Variants in PKD1L3 observed in about 807,000 individuals in gnomAD.
PKD1L3 encodes polycystin-1-like protein 3.
A neutral mutation model predicts 184.1 loss-of-function variants in PKD1L3; 239 were observed. That is an observed-to-expected ratio of 1.30 (90% CI 1.17 to 1.45). The LOEUF (loss-of-function observed/expected upper bound fraction) is 1.45, where lower values mean the gene tolerates loss of function less well. PKD1L3 is among the 40% of genes most tolerant of loss of function. The pLI is 0.00. For missense variants in PKD1L3, 2,660 were observed against 2,067.2 expected, an observed-to-expected ratio of 1.29 and a Z score of -5.56; for synonymous variants, 996 against 778.8, an observed-to-expected ratio of 1.28 and a Z score of -4.64.
rs777591241 is a variant in PKD1L3 at position 71,944,029 on chromosome 16, C to A, written c.3859+1G>T. 5 of 1,551,036 alleles carry A rather than the reference C, an allele frequency of 3.2e-6. No homozygotes were observed. Among genetic ancestry groups the A allele is most frequent in the Non-Finnish European group, 3.5e-6 (4 of 1,146,816 alleles). Reference sequence around the variant, plus strand: ...AGTATGTTGCCATTTCCTCTCCATACCCAAAATATCTCCAGTCAGCTTGAA... The same window carrying A: ...AGTATGTTGCCATTTCCTCTCCATAACCAAAATATCTCCAGTCAGCTTGAA... On this transcript the variant is annotated splice_donor_variant, in intron 23 of 29. Transcript: ENST00000620267. LOFTEE classifies it high-confidence loss of function.
At chr16:71,986,738 C>G (rs2040382493) in intron 4 of PKD1L3, among the ~76,000 whole-genome samples, 1 of 152,002 alleles carries the variant, frequency 6.6e-6, no homozygotes. Context: ...TTCTAGAGAA[C>G]TGAATATGGC....
intron 2 of PKD1L3, among the ~76,000 whole-genome samples, chr16:71,997,535 G>A (rs1232464763): frequency 6.6e-6 from 1 of 152,042 alleles, no homozygotes; most frequent in African/African-American, 2.4e-5. Flanking sequence ...GATCATCTGA[G>A]GTTGGGAGTT....
At chr16:71,963,852 G>C (rs150674464) in intron 15 of PKD1L3, among the ~76,000 whole-genome samples, 1 of 152,280 alleles carries the variant, frequency 6.6e-6, no homozygotes, top group East Asian at 1.9e-4. Context: ...TCATGTACCA[G>C]ACACCAGACT....
Position 71,986,393 on chromosome 16 carries a change from G to A in PKD1L3, c.662C>T (p.Ala221Val). The A allele has an allele frequency of 6.4e-7, 1 of 1,551,832 alleles. No individual in the cohort carries two copies. The highest frequency in any genetic ancestry group is 8.7e-7 in the Non-Finnish European group (1 of 1,146,998). The change falls in exon 5 of 30, where the codon GCA becomes GTA. Residue 221 changes from alanine (A) to valine (V), a missense_variant. Ala to Val is a moderately conservative substitution (Grantham distance 64). Coordinates refer to ENST00000620267, the MANE Select transcript of PKD1L3 (RefSeq NM_181536.2). ...SSITSQVTSA[A>V]SEPSSQPLPV... is the part of the protein sequence containing the mutation. Reference sequence around the variant, plus strand: ...GAGAGGCTGGCTGCTGGGTTCAGATGCGGCTGATGTTACCTGTGATGTGAT... The same window carrying A: ...GAGAGGCTGGCTGCTGGGTTCAGATACGGCTGATGTTACCTGTGATGTGAT...
At position 71,953,016 on chromosome 16, in the gene PKD1L3, C is replaced by T. The variant is rs1029589962; in HGVS notation, c.2887G>A (p.Val963Ile). The T allele has an allele frequency of 6.5e-6, 10 of 1,548,974 alleles. No homozygotes were observed. The highest frequency in any genetic ancestry group is 8.7e-6 in the Non-Finnish European group (10 of 1,145,962). ...TAVILFPINLVIGRLFPLIEP... is the reference protein window; with the variant it reads ...TAVILFPINLIIGRLFPLIEP... ...ATCAACGGGAAGAGCCGCCCTATGA[C>T]AAGATTGATTGGGAAGAGGATGACA... Residue 963 changes from valine to isoleucine, a missense_variant, in exon 18 of 30, where the codon GTC becomes ATC. Transcript: ENST00000620267.
intron 6 of PKD1L3, among the ~76,000 whole-genome samples, chr16:71,983,523 G>A (rs75753202): frequency 0.038 from 5,828 of 152,122 alleles, 343 homozygotes; most frequent in African/African-American, 0.13. Context: ...CATAAACACA[G>A]TATATCCAAC....
intron 13 of PKD1L3, among the ~76,000 whole-genome samples, chr16:71,968,488 A>G (rs1297208331): frequency 6.6e-6 from 1 of 152,230 alleles, no homozygotes; most frequent in African/African-American, 2.4e-5. Context: ...CGTATTCTAG[A>G]ATTTCCAAGT....
intron 16 of PKD1L3, among the ~76,000 whole-genome samples, chr16:71,959,967 T>C (rs2039206158): frequency 6.6e-6 from 1 of 151,450 alleles, no homozygotes; most frequent in Non-Finnish European, 1.5e-5. Flanking sequence ...AAAATAGTTT[T>C]AAAATTAGCC....
chr16:71,994,921 G>C (rs1412575793), intron 2 of PKD1L3, among the ~76,000 whole-genome samples: 1 of 152,124 alleles, frequency 6.6e-6, no homozygotes, highest in Non-Finnish European at 1.5e-5. Flanking sequence ...CCAGGAGGTG[G>C]AGGTTGCAGT....
intron 10 of PKD1L3, among the ~76,000 whole-genome samples, chr16:71,977,778 ATTC>A (rs1467207717): frequency 1.3e-5 from 2 of 151,566 alleles, no homozygotes; most frequent in African/African-American, 2.4e-5. Context: ...AACACTTCTT[ATTC>A]TTCTTATTTT....
chr16:71,938,288 A>G (rs973950270), intron 24 of PKD1L3, among the ~76,000 whole-genome samples: 4 of 152,220 alleles, frequency 2.6e-5, no homozygotes, highest in African/African-American at 9.6e-5. Context: ...GCAGCCCCCT[A>G]CTGCCTCGGC....
At position 71,944,118 on chromosome 16, in the gene PKD1L3, A is replaced by G; in HGVS notation, c.3771T>C (p.Tyr1257=). 6.4e-7 allele frequency: 1 copy of G among 1,551,594 alleles called. No individual in the cohort carries two copies. Among genetic ancestry groups the G allele is most frequent in the Non-Finnish European group, 8.7e-7 (1 of 1,146,734 alleles). The change falls in exon 23 of 30, where the codon TAT becomes TAC. Residue 1257 remains tyrosine (Y), a synonymous_variant. Transcript: ENST00000620267. The stretch of plus-strand genomic sequence containing the variant: ...TTGGACTATTTATAGCTGGGGCTAC[A>G]TAGACGGGGTTGTTCTTATCTCTTG... ...PGSRDKNNPV[Y]VAPAINSPTK...
At chr16:71,945,462 T>A (rs2038566906) in intron 22 of PKD1L3, among the ~76,000 whole-genome samples, 1 of 150,010 alleles carries the variant, frequency 6.7e-6, no homozygotes, top group Non-Finnish European at 1.5e-5. Context: ...ACTGATCACC[T>A]GAGCTGAGGA....
rs559025537 is a variant in PKD1L3, at chr16:71,934,190, C to T, written c.4614-65G>A. On this transcript the variant is annotated intron_variant, in intron 26 of 29. Coordinates refer to ENST00000620267, the MANE Select transcript of PKD1L3 (RefSeq NM_181536.2). The stretch of plus-strand genomic sequence containing the variant: ...TGTGCCTATACTGCAGTTTCCCCAG[C>T]GCCCCTGCTGCTGATCGTGGCAGCC... 62 of 1,447,858 alleles carry T rather than the reference C, an allele frequency of 4.3e-5. 1 individual carries two copies. The African/African-American group carries it at 5.8e-4, about 13-fold the overall frequency. The allele number at this position is 1,447,858 out of a possible 1,614,324, so 89.7% of individuals were successfully genotyped here. A position where few individuals can be genotyped will look rare whatever the true frequency, so the allele number is the denominator to read the frequency against.
chr16:71,967,434 G>C (rs926893870), intron 14 of PKD1L3, 119 bp from the exon 15 acceptor site: 7 of 992,814 alleles, frequency 7.1e-6, no homozygotes, highest in African/African-American at 3.3e-5. Flanking sequence ...TCGGATCTTA[G>C]ACAAGCATAG....
rs765301852 is a variant in PKD1L3, at chr16:71,950,009, G to C, written c.3392C>G (p.Thr1131Ser). 4.6e-5 allele frequency: 72 copies of C among 1,551,448 alleles called. No individual in the cohort carries two copies. The highest frequency in any genetic ancestry group is 7.0e-6 in the Non-Finnish European group (8 of 1,146,996). The change falls in exon 21 of 30, where the codon ACC becomes AGC. Residue 1131 changes from threonine to serine, a missense_variant. Thr to Ser is a moderately conservative substitution (Grantham distance 58). Transcript: ENST00000620267. The stretch of plus-strand genomic sequence containing the variant: ...TTCTGAGCTCAGGATGGCAAAACTG[G>C]TGACTTCCCTGAAGCACAAAAGTTG... ...PTEQEPSREV[T>S]SFAILSSEEG... is the part of the protein sequence containing the mutation.
intron 19 of PKD1L3, 105 bp from the exon 20 acceptor site, chr16:71,950,415 C>T (rs1269786694): frequency 2.0e-6 from 2 of 1,017,166 alleles, no homozygotes; most frequent in Non-Finnish European, 2.8e-6. Flanking sequence ...CTATATTTTC[C>T]CACTACTAGC....
Position 71,967,896 on chromosome 16 carries a change from T to C in PKD1L3, c.2286+10A>G. The C allele has an allele frequency of 6.5e-7, 1 of 1,543,592 alleles. No homozygotes were observed. Among genetic ancestry groups the C allele is most frequent in the Non-Finnish European group, 8.8e-7 (1 of 1,140,540 alleles). On this transcript the variant is annotated intron_variant, in intron 14 of 29. Transcript: ENST00000620267. ...CACAAGGCAATGTGAAAAACATTTA[T>C]TTCATTAACCTTAGCTGTTGTAGCA...
intron 3 of PKD1L3, among the ~76,000 whole-genome samples, chr16:71,992,973 T>C (rs1218720047): frequency 2.6e-5 from 4 of 152,260 alleles, no homozygotes; most frequent in South Asian, 4.1e-4. Context: ...TGAAAAATTT[T>C]GTGGGAATAA....
Sources: allele counts gnomAD v4.1 joint callset (sites outside exome capture counted in the v4.1 genomes callset), GRCh38; gene constraint gnomAD v4.1.1; transcripts MANE v1.5; gene names NCBI Gene and HGNC (gene_info 2026-07-23, HGNC 2026-07-21).